LMBRD1: variants seen among roughly 807,000 people sequenced by gnomAD.
The protein encoded by LMBRD1 is lysosomal cobalamin transport escort protein LMBD1.
Under a neutral mutation model 74.8 loss-of-function variants are expected in LMBRD1, and 64 were observed. The observed-to-expected ratio is 0.86, with a 90% CI of 0.70 to 1.05. LMBRD1 has a LOEUF of 1.05. LMBRD1 is among the 50% of genes least tolerant of loss of function. The pLI is 0.00. For missense variants in LMBRD1, 652 were observed against 645.9 expected (o/e 1.01, Z -0.10); for synonymous variants, 204 against 216.3 (o/e 0.94, Z 0.50).
intron 3 of LMBRD1, among the ~76,000 whole-genome samples, chr6:69,764,113 T>G (rs1008652625): frequency 3.3e-5 from 5 of 152,186 alleles, no homozygotes; most frequent in Non-Finnish European, 7.3e-5. Context: ...GAAATGGACA[T>G]GGATTCTGGG....
intron 10 of LMBRD1, 144 bp downstream of exon 10, chr6:69,701,745 C>T: frequency 4.3e-6 from 3 of 697,336 alleles, no homozygotes; most frequent in Non-Finnish European, 7.5e-6. Context: ...ACGTTTTAGC[C>T]ATTCTTTGAG....
At chr6:69,740,776 C>T (rs1364404089) in intron 6 of LMBRD1, among the ~76,000 whole-genome samples, 3 of 152,136 alleles carry the variant, frequency 2.0e-5, no homozygotes, top group African/African-American at 4.8e-5. Flanking sequence ...GAATTAAGTA[C>T]ACTAGGTATC....
intron 9 of LMBRD1, among the ~76,000 whole-genome samples, chr6:69,704,907 G>GTTTTT (rs61054932): frequency 0.089 from 12,130 of 136,930 alleles, 1,509 homozygotes; most frequent in African/African-American, 0.28. Flanking sequence ...TTGGACATTT[G>GTTTTT]TTTTTTTTTT....
intron 7 of LMBRD1, among the ~76,000 whole-genome samples, chr6:69,720,951 T>C (rs1766600764): frequency 6.6e-6 from 1 of 152,204 alleles, no homozygotes; most frequent in Admixed American, 6.5e-5. Context: ...CAGTGGTGAC[T>C]AAGGGGACTT....
chr6:69,791,357 T>C (rs1249862667), intron 1 of LMBRD1, among the ~76,000 whole-genome samples: 1 of 152,172 alleles, frequency 6.6e-6, no homozygotes, highest in Non-Finnish European at 1.5e-5. Flanking sequence ...ACTCTACTCA[T>C]AGGGAGTTGC....
intron 9 of LMBRD1, chr6:69,705,811 A>G: frequency 8.3e-7 from 1 of 1,203,810 alleles, no homozygotes; most frequent in Non-Finnish European, 1.2e-6. Flanking sequence ...CTCCACTGCT[A>G]CTAAATGTTG....
chr6:69,724,591 T>G (rs1201608424), intron 7 of LMBRD1, among the ~76,000 whole-genome samples: 1 of 149,882 alleles, frequency 6.7e-6, no homozygotes, highest in African/African-American at 2.4e-5. Context: ...TTGTAATACA[T>G]CATATCAAGA....
At chr6:69,784,097 T>A (rs1322124504) in intron 2 of LMBRD1, among the ~76,000 whole-genome samples, 1 of 152,358 alleles carries the variant, frequency 6.6e-6, no homozygotes, top group Admixed American at 6.5e-5. Flanking sequence ...TGATGTATTG[T>A]CAAGAGAGCT....
chr6:69,777,366 C>T (rs1367537612), intron 3 of LMBRD1, among the ~76,000 whole-genome samples: 3 of 149,370 alleles, frequency 2.0e-5, no homozygotes, highest in Non-Finnish European at 3.0e-5. Context: ...GGCAGGAGAA[C>T]TGCTTGAACC....
At chr6:69,721,215 C>T (rs563056267) in intron 7 of LMBRD1, among the ~76,000 whole-genome samples, 1 of 152,256 alleles carries the variant, frequency 6.6e-6, no homozygotes, top group South Asian at 2.1e-4. Flanking sequence ...CTAGGCTGGG[C>T]TTACAGTGGA....
intron 3 of LMBRD1, among the ~76,000 whole-genome samples, chr6:69,778,945 C>T (rs755424424): frequency 4.3e-4 from 66 of 152,130 alleles, no homozygotes; most frequent in African/African-American, 1.4e-3. Flanking sequence ...CCCAGCACTT[C>T]GGAAGGCCAG....
intron 3 of LMBRD1, among the ~76,000 whole-genome samples, chr6:69,769,997 C>T (rs1474438976): frequency 6.6e-6 from 1 of 152,128 alleles, no homozygotes; most frequent in Non-Finnish European, 1.5e-5. Context: ...TTTCTGGTCT[C>T]CTACACACGT....
intron 2 of LMBRD1, among the ~76,000 whole-genome samples, chr6:69,786,626 C>T (rs748128507): frequency 3.7e-4 from 56 of 151,982 alleles, no homozygotes; most frequent in Non-Finnish European, 6.3e-4. Flanking sequence ...AAGTTAATTA[C>T]TTTAGAAAAG....
chr6:69,704,909 T>TTTG (rs1426216193), intron 9 of LMBRD1, among the ~76,000 whole-genome samples: 1 of 125,262 alleles, frequency 8.0e-6, no homozygotes, highest in Non-Finnish European at 1.8e-5. Context: ...GGACATTTGT[T>TTTG]TTTTTTTTTT....
chr6:69,768,613 A>G (rs1414374081), intron 3 of LMBRD1, among the ~76,000 whole-genome samples: 1 of 152,038 alleles, frequency 6.6e-6, no homozygotes, highest in Non-Finnish European at 1.5e-5. Flanking sequence ...TTACAAAGAT[A>G]AGAAAAGGAG....
At chr6:69,734,163 G>C (rs1766923534) in intron 7 of LMBRD1, among the ~76,000 whole-genome samples, 1 of 152,148 alleles carries the variant, frequency 6.6e-6, no homozygotes, top group African/African-American at 2.4e-5. Context: ...GGATCTTAGT[G>C]GGCTGTTACA....
intron 9 of LMBRD1, among the ~76,000 whole-genome samples, chr6:69,703,084 G>C (rs1273442447): frequency 6.6e-6 from 1 of 152,068 alleles, no homozygotes; most frequent in Admixed American, 6.6e-5. Flanking sequence ...CTCTTGAAAA[G>C]AGAGTGATAT....
chr6:69,694,437 T>C (rs1354266278), intron 14 of LMBRD1, among the ~76,000 whole-genome samples: 1 of 152,158 alleles, frequency 6.6e-6, no homozygotes, highest in East Asian at 1.9e-4. Flanking sequence ...GTGATGTACG[T>C]ATACATTTCA....
chr6:69,743,878 C>T (rs1169397763), intron 5 of LMBRD1, among the ~76,000 whole-genome samples: 1 of 152,160 alleles, frequency 6.6e-6, no homozygotes, highest in Admixed American at 6.5e-5. Context: ...AGAGCAGCAC[C>T]TGACTGGTAT....
Sources: allele counts gnomAD v4.1 joint callset (sites outside exome capture counted in the v4.1 genomes callset), GRCh38; gene constraint gnomAD v4.1.1; transcripts MANE v1.5; gene names NCBI Gene and HGNC (gene_info 2026-07-23, HGNC 2026-07-21).